Variants in ANKRD62 observed in about 807,000 individuals in gnomAD.
The protein encoded by ANKRD62 is ankyrin repeat domain 62, also known as ankyrin repeat domain-containing protein 62.
In ANKRD62, 61 loss-of-function variants were observed where a neutral mutation model predicts 98.8. That is an observed-to-expected ratio of 0.62 (90% CI 0.50 to 0.76). The LOEUF is 0.76. Among genes scored for constraint, ANKRD62 ranks in the 30% least tolerant of loss-of-function variants. The pLI is 0.00. For synonymous variants in ANKRD62, 341 were observed against 367.9 expected (o/e 0.93, Z 0.84); for missense variants, 933 against 1,082.9 (o/e 0.86, Z 1.94).
At chr18:12,181,581 A>T in the ANKRD62 span, among the ~76,000 whole-genome samples, 1 of 152,228 alleles carries the variant, frequency 6.6e-6, no homozygotes, top group East Asian at 1.9e-4. Flanking sequence ...ATGATTTATT[A>T]AATTGACACT....
At chr18:12,131,924 C>T (rs1312865480), downstream of ANKRD62, among the ~76,000 whole-genome samples, 2 of 152,066 alleles carry the variant, frequency 1.3e-5, no homozygotes, top group South Asian at 2.1e-4. Flanking sequence ...TTCAGAGTTA[C>T]TGCACATTTC....
chr18:12,103,798 A>G (rs1462631366), intron 7 of ANKRD62, among the ~76,000 whole-genome samples: 1 of 152,100 alleles, frequency 6.6e-6, no homozygotes, highest in Admixed American at 6.5e-5. Flanking sequence ...AAATGTTCCC[A>G]ATTTATTTCA....
In ANKRD62 at chr18:12,125,954, T is replaced by C. The variant is rs1909881091; in HGVS notation, c.2133T>C (p.Ser711=). ...ILSQQLSKAE[S]TSSGLETELH... is the part of the protein sequence containing the mutation. ...CTCAGCAACTTTCTAAAGCTGAGAGTACATCCAGTGGCCTGGAAACTGAGC... is the reference window on the plus strand; with the variant it reads ...CTCAGCAACTTTCTAAAGCTGAGAGCACATCCAGTGGCCTGGAAACTGAGC... Residue 711 remains serine (S), a synonymous_variant, in exon 13 of 14, where the codon AGT becomes AGC. Coordinates refer to ENST00000587848, the MANE Select transcript of ANKRD62 (RefSeq NM_001277333.2). 1 of 1,537,708 alleles carries C rather than the reference T, an allele frequency of 6.5e-7. No individual in the cohort carries two copies. The highest frequency in any genetic ancestry group is 8.7e-7 in the Non-Finnish European group (1 of 1,146,902).
At chr18:12,164,274 A>G in the ANKRD62 span, among the ~76,000 whole-genome samples, 8 of 151,902 alleles carry the variant, frequency 5.3e-5, no homozygotes, top group African/African-American at 1.9e-4. Context: ...ACATTTTCCA[A>G]GTTAGCAGCG....
intron 10 of ANKRD62, among the ~76,000 whole-genome samples, chr18:12,121,085 A>G (rs1909773016): frequency 6.6e-6 from 1 of 152,114 alleles, no homozygotes; most frequent in Admixed American, 6.5e-5. Flanking sequence ...CATCATGACA[A>G]ATTTACGATT....
intron 1 of ANKRD62, among the ~76,000 whole-genome samples, chr18:12,094,925 T>C (rs564550669): frequency 1.2e-3 from 32 of 27,238 alleles, no homozygotes; most frequent in Non-Finnish European, 2.2e-3. Flanking sequence ...GGGTAGGATG[T>C]GGGTACGATG....
At chr18:12,166,292 A>G in the ANKRD62 span, among the ~76,000 whole-genome samples, 1 of 151,370 alleles carries the variant, frequency 6.6e-6, no homozygotes, top group Non-Finnish European at 1.5e-5. Flanking sequence ...TTTTGAGGCT[A>G]TTTTCTGTAT....
downstream of ANKRD62, among the ~76,000 whole-genome samples, chr18:12,132,927 C>T (rs1910027367): frequency 6.6e-6 from 1 of 152,096 alleles, no homozygotes; most frequent in African/African-American, 2.4e-5. Flanking sequence ...ATATACATAA[C>T]ATAAAATTTA....
the ANKRD62 span, among the ~76,000 whole-genome samples, chr18:12,153,663 A>G: frequency 1.3e-5 from 2 of 152,050 alleles, no homozygotes; most frequent in Non-Finnish European, 2.9e-5. Context: ...AAAAGCTGGA[A>G]TAACCAAGGC....
At chr18:12,157,479 C>T in the ANKRD62 span, among the ~76,000 whole-genome samples, 1 of 151,854 alleles carries the variant, frequency 6.6e-6, no homozygotes, top group Admixed American at 6.6e-5. Flanking sequence ...TTTGCCTTGC[C>T]AATTTTGTTC....
At chr18:12,162,789 A>G in the ANKRD62 span, among the ~76,000 whole-genome samples, 344 of 152,020 alleles carry the variant, frequency 2.3e-3, 1 homozygote, top group Non-Finnish European at 3.2e-3. Context: ...TCCTTGGTGT[A>G]TGTTCTTAGC....
the ANKRD62 span, among the ~76,000 whole-genome samples, chr18:12,178,915 C>T: frequency 8.4e-6 from 1 of 118,488 alleles, no homozygotes; most frequent in East Asian, 3.1e-4. Context: ...GTGATGGTGT[C>T]AGCTGAGAAG....
chr18:12,159,180 G>T, the ANKRD62 span, among the ~76,000 whole-genome samples: 1 of 152,136 alleles, frequency 6.6e-6, no homozygotes, highest in African/African-American at 2.4e-5. Context: ...CCTGCTTTGA[G>T]GTATCTAGGG....
the ANKRD62 span, among the ~76,000 whole-genome samples, chr18:12,138,305 C>T: frequency 3.9e-5 from 6 of 152,084 alleles, no homozygotes; most frequent in African/African-American, 1.4e-4. Flanking sequence ...CGTTATGTAC[C>T]CAGTAGTCAT....
At chr18:12,127,669 A>G in intron 13 of ANKRD62, 79 bp from the exon 14 acceptor site, 1 of 1,093,640 alleles carries the variant, frequency 9.1e-7, no homozygotes, top group Non-Finnish European at 1.2e-6. Context: ...CGAAGTGTGT[A>G]TATTAGAGTT....
the ANKRD62 span, among the ~76,000 whole-genome samples, chr18:12,170,599 A>G: frequency 4.6e-5 from 7 of 152,182 alleles, no homozygotes; most frequent in African/African-American, 1.7e-4. Flanking sequence ...AGAAGAATGT[A>G]TATTCTGTTG....
chr18:12,174,409 G>A, the ANKRD62 span, among the ~76,000 whole-genome samples: 2 of 152,098 alleles, frequency 1.3e-5, no homozygotes, highest in Non-Finnish European at 2.9e-5. Flanking sequence ...TTGTTTTATT[G>A]TGATCCCTAG....
At position 12,096,267 on chromosome 18, in the gene ANKRD62, A is replaced by C. The variant is rs79407210; in HGVS notation, c.579A>C (p.Lys193Asn). The C allele has an allele frequency of 6.5e-7, 1 of 1,534,698 alleles. No individual in the cohort carries two copies. The highest frequency in any genetic ancestry group is 8.7e-7 in the Non-Finnish European group (1 of 1,145,526). ...AAATGGTGGCATTTTTGTTGAAGAA[A>C]AAACCAGATTTAACTGCAATAGATA... ...KEQMVAFLLK[K>N]KPDLTAIDNF... is the part of the protein sequence containing the mutation. The change falls in exon 4 of 14, where the codon AAA (lysine) becomes AAC (asparagine). Residue 193 changes from lysine to asparagine, a missense_variant. Transcript: ENST00000587848.
downstream of ANKRD62, among the ~76,000 whole-genome samples, chr18:12,133,399 G>A (rs1910035095): frequency 6.6e-6 from 1 of 152,062 alleles, no homozygotes; most frequent in Non-Finnish European, 1.5e-5. Flanking sequence ...TTCCTCTTGG[G>A]TAAATACTCA....
Sources: allele counts gnomAD v4.1 joint callset (sites outside exome capture counted in the v4.1 genomes callset), GRCh38; gene constraint gnomAD v4.1.1; transcripts MANE v1.5; gene names NCBI Gene and HGNC (gene_info 2026-07-23, HGNC 2026-07-21).